The following GRIA1 variants were observed in gnomAD, a reference collection of about 807,000 sequenced individuals.
The protein encoded by GRIA1 is glutamate receptor 1.
Under a neutral mutation model 99.2 loss-of-function variants are expected in GRIA1, and 31 were observed. The observed-to-expected ratio is 0.31, with a 90% CI of 0.23 to 0.42. The LOEUF is 0.42. Among genes scored for constraint, GRIA1 ranks in the 10% least tolerant of loss-of-function variants. GRIA1 has a pLI of 1.00. For synonymous variants in GRIA1, 438 were observed against 432.4 expected, an observed-to-expected ratio of 1.01 and a Z score of -0.16; for missense variants, 782 against 1,157.5, an observed-to-expected ratio of 0.68 and a Z score of 4.71.
intron 12 of GRIA1, among the ~76,000 whole-genome samples, chr5:153,766,295 C>T (rs1446526781): frequency 6.6e-6 from 1 of 152,174 alleles, no homozygotes; most frequent in Non-Finnish European, 1.5e-5. Context: ...CATTACAATT[C>T]CCTGACATTT....
At chr5:153,688,062 T>A (rs1757461035) in intron 8 of GRIA1, among the ~76,000 whole-genome samples, 1 of 152,196 alleles carries the variant, frequency 6.6e-6, no homozygotes. Flanking sequence ...GTTACCAAGC[T>A]TTCTCCATAT....
At chr5:153,567,710 T>G (rs1761773211) in intron 2 of GRIA1, among the ~76,000 whole-genome samples, 1 of 152,146 alleles carries the variant, frequency 6.6e-6, no homozygotes, top group South Asian at 2.1e-4. Context: ...TGGGAAGCAG[T>G]GGAGCAAAAG....
chr5:153,787,934 G>A (rs971427489), intron 13 of GRIA1, among the ~76,000 whole-genome samples: 2 of 152,026 alleles, frequency 1.3e-5, no homozygotes, highest in African/African-American at 2.4e-5. Flanking sequence ...CAAAAAATTA[G>A]CCAGGCGTGG....
intron 2 of GRIA1, among the ~76,000 whole-genome samples, chr5:153,613,223 C>G (rs544051221): frequency 6.6e-6 from 1 of 151,900 alleles, no homozygotes; most frequent in Non-Finnish European, 1.5e-5. Context: ...AGACACTGAA[C>G]CATGCCTCCA....
chr5:153,578,260 T>C (rs1443959520), intron 2 of GRIA1, among the ~76,000 whole-genome samples: 2 of 150,372 alleles, frequency 1.3e-5, no homozygotes, highest in South Asian at 2.1e-4. Context: ...GAAGGAAACA[T>C]GAAGGTATTC....
chr5:153,517,935 C>T (rs951448650), intron 2 of GRIA1, among the ~76,000 whole-genome samples: 1 of 152,226 alleles, frequency 6.6e-6, no homozygotes, highest in Non-Finnish European at 1.5e-5. Flanking sequence ...CTGTCCCTCC[C>T]TAACCTTACC....
intron 2 of GRIA1, among the ~76,000 whole-genome samples, chr5:153,542,467 C>G (rs911696304): frequency 6.6e-6 from 1 of 152,180 alleles, no homozygotes; most frequent in African/African-American, 2.4e-5. Context: ...TAAATGACAT[C>G]CCATGAGAAT....
chr5:153,810,872 T>C (rs1035274719), intron 15 of GRIA1, among the ~76,000 whole-genome samples, 153 bp from the exon 16 acceptor site: 2 of 152,184 alleles, frequency 1.3e-5, no homozygotes, highest in East Asian at 1.9e-4. Context: ...TAGTTTTCTG[T>C]GTTCCTGAGA....
intron 2 of GRIA1, among the ~76,000 whole-genome samples, chr5:153,592,956 C>CTCGTGACCTCT (rs1311627623): frequency 3.3e-5 from 5 of 152,122 alleles, no homozygotes; most frequent in African/African-American, 1.2e-4. Flanking sequence ...GGGCTCCACC[C>CTCGTGACCTCT]TCGTGACCTC....
intron 11 of GRIA1, chr5:153,755,316 G>T (rs1051497839): frequency 2.0e-5 from 3 of 152,284 alleles, no homozygotes; most frequent in African/African-American, 7.2e-5. Context: ...GGCAGTAGGG[G>T]CATAGAGGAC....
At chr5:153,589,045 A>G (rs1385719052) in intron 2 of GRIA1, among the ~76,000 whole-genome samples, 4 of 152,190 alleles carry the variant, frequency 2.6e-5, no homozygotes, top group Non-Finnish European at 5.9e-5. Flanking sequence ...GGGAAAAAAG[A>G]GAAACGAATC....
chr5:153,624,673 A>G (rs931407999), intron 2 of GRIA1, among the ~76,000 whole-genome samples: 1 of 152,244 alleles, frequency 6.6e-6, no homozygotes. Flanking sequence ...CAGGGGGGAA[A>G]AAAATTGATA....
chr5:153,811,193 T>A lies in GRIA1; in HGVS notation c.2689T>A (p.Ser897Thr). 1 of 1,614,066 alleles carries A rather than the reference T, an allele frequency of 6.2e-7. No homozygotes were observed. Among genetic ancestry groups the A allele is most frequent in the Non-Finnish European group, 8.5e-7 (1 of 1,179,984 alleles). The change falls in exon 16 of 16, where the codon TCA (serine) becomes ACA (threonine). Residue 897 changes from serine (S) to threonine (T), a missense_variant. Coordinates refer to ENST00000285900, the MANE Select transcript of GRIA1 (RefSeq NM_000827.4). ...ATCGATTCCTTGCATGAGCCACAGT[T>A]CAGGGATGCCCTTGGGAGCCACGGG... ...MQSIPCMSHS[S>T]GMPLGATGL
At chr5:153,727,832 C>A (rs1430966424) in intron 11 of GRIA1, among the ~76,000 whole-genome samples, 4 of 151,720 alleles carry the variant, frequency 2.6e-5, no homozygotes, top group Non-Finnish European at 5.9e-5. Flanking sequence ...AGATTCAATG[C>A]CATCCCCATC....
rs547703533 is a variant in GRIA1, at chr5:153,811,463, C to G, written c.*238C>G. The G allele has an allele frequency of 8.3e-6, 4 of 484,502 alleles. No homozygotes were observed. The highest frequency in any genetic ancestry group is 6.6e-5 in the Admixed American group (2 of 30,220). The allele number at this position is 484,502 out of a possible 1,614,324, so 30.0% of individuals were successfully genotyped here. A position where few individuals can be genotyped will look rare whatever the true frequency, so the allele number is the denominator to read the frequency against. ...GCTAAGTGAGGATGAAAAAATAACA[C>G]TGTACTGCAATAAGGGGAGAGTAAC... On this transcript the variant is annotated 3_prime_UTR_variant, in exon 16 of 16. Coordinates refer to ENST00000285900, the MANE Select transcript of GRIA1 (RefSeq NM_000827.4).
At chr5:153,555,335 C>A (rs1760531266) in intron 2 of GRIA1, among the ~76,000 whole-genome samples, 1 of 151,462 alleles carries the variant, frequency 6.6e-6, no homozygotes, top group South Asian at 2.1e-4. Context: ...ATACAGGGAG[C>A]AAATTCCATT....
chr5:153,786,845 C>A (rs1264018009), intron 13 of GRIA1, among the ~76,000 whole-genome samples: 1 of 152,184 alleles, frequency 6.6e-6, no homozygotes. Context: ...CAGGAGCAGG[C>A]AGAGGCACAC....
At position 153,697,025 on chromosome 5, in the gene GRIA1, C is replaced by T. The variant is rs192729658; in HGVS notation, c.1135-1019C>T. On this transcript the variant is annotated intron_variant, in intron 8 of 15. Transcript: ENST00000285900. Reference sequence around the variant, plus strand: ...TACTGCCCTTTTGGGCTAACTCTATCTTCCACCCAGGACCCACAGAACTTA... The same window carrying T: ...TACTGCCCTTTTGGGCTAACTCTATTTTCCACCCAGGACCCACAGAACTTA... 1.6e-4 allele frequency among the ~76,000 whole-genome samples: 24 copies of T among 152,358 alleles called. No individual in the cohort carries two copies. In the East Asian group the frequency reaches 4.6e-3, roughly 29 times the overall value.
At chr5:153,754,428 G>T (rs925481365) in intron 11 of GRIA1, among the ~76,000 whole-genome samples, 5 of 152,074 alleles carry the variant, frequency 3.3e-5, no homozygotes, top group Non-Finnish European at 7.4e-5. Flanking sequence ...GGGATGTAGG[G>T]ACTATCGTTC....
Sources: allele counts gnomAD v4.1 joint callset (sites outside exome capture counted in the v4.1 genomes callset), GRCh38; gene constraint gnomAD v4.1.1; transcripts MANE v1.5; gene names NCBI Gene and HGNC (gene_info 2026-07-23, HGNC 2026-07-21).